The following ARFGEF3 variants were observed in gnomAD, a reference collection of about 807,000 sequenced individuals.
The protein encoded by ARFGEF3 is ARFGEF family member 3.
A neutral mutation model predicts 221.7 loss-of-function variants in ARFGEF3; 96 were observed. That is an observed-to-expected ratio of 0.43 (90% CI 0.37 to 0.51). The LOEUF (loss-of-function observed/expected upper bound fraction) is 0.51. Among genes scored for constraint, ARFGEF3 ranks in the 20% least tolerant of loss-of-function variants. The probability of loss-of-function intolerance (pLI) is 0.00; values close to 1 mark genes in which losing one functional copy is unlikely to be tolerated. For synonymous variants in ARFGEF3, 1,145 were observed against 1,126.8 expected, an observed-to-expected ratio of 1.02 and a Z score of -0.32; for missense variants, 2,410 against 2,789.9, an observed-to-expected ratio of 0.86 and a Z score of 3.07.
chr6:138,323,901 AG>A, intron 30 of ARFGEF3, 121 bp from the exon 31 acceptor site: 1 of 1,542,774 alleles, frequency 6.5e-7, no homozygotes, highest in Non-Finnish European at 8.8e-7. Context: ...TCTTGCAGAG[AG>A]TGAGAAAGAA....
intron 32 of ARFGEF3, among the ~76,000 whole-genome samples, chr6:138,331,576 A>G (rs1485302153): frequency 6.6e-6 from 1 of 152,246 alleles, no homozygotes; most frequent in Non-Finnish European, 1.5e-5. Context: ...GCTTTACTCA[A>G]TCCACATAAT....
At chr6:138,184,234 T>C (rs1230817325) in intron 2 of ARFGEF3, among the ~76,000 whole-genome samples, 1 of 152,114 alleles carries the variant, frequency 6.6e-6, no homozygotes, top group African/African-American at 2.4e-5. Context: ...TAATGAAAAA[T>C]AACTACTTTT....
intron 2 of ARFGEF3, among the ~76,000 whole-genome samples, chr6:138,173,854 A>G (rs914812330): frequency 3.3e-5 from 5 of 152,162 alleles, no homozygotes; most frequent in Non-Finnish European, 7.3e-5. Context: ...GTCTTTACAT[A>G]TTTTCACCAT....
intron 12 of ARFGEF3, 55 bp downstream of exon 12, chr6:138,263,666 C>A: frequency 6.9e-7 from 1 of 1,442,252 alleles, no homozygotes; most frequent in Non-Finnish European, 9.3e-7. Flanking sequence ...AGCAGTTTGC[C>A]TTAATGGGCA....
At chr6:138,321,710 C>G (rs1780030703) in intron 29 of ARFGEF3, among the ~76,000 whole-genome samples, 1 of 152,218 alleles carries the variant, frequency 6.6e-6, no homozygotes. Context: ...ATCATACAAT[C>G]AGCAATCCCA....
intron 4 of ARFGEF3, among the ~76,000 whole-genome samples, chr6:138,222,632 T>A (rs1778001457): frequency 6.6e-6 from 1 of 152,214 alleles, no homozygotes; most frequent in Non-Finnish European, 1.5e-5. Flanking sequence ...CAAAAGGAAT[T>A]ATTTTGTCTA....
At chr6:138,280,775 C>T (rs867384673) in intron 14 of ARFGEF3, among the ~76,000 whole-genome samples, 9 of 152,074 alleles carry the variant, frequency 5.9e-5, no homozygotes, top group Admixed American at 2.0e-4. Flanking sequence ...CATTTGAACC[C>T]GGGAGGCAGA....
At position 138,280,041 on chromosome 6, in the gene ARFGEF3, G is replaced by T; in HGVS notation, c.2338G>T (p.Val780Phe). The T allele has an allele frequency of 1.2e-6, 2 of 1,613,922 alleles. No homozygotes were observed. Among genetic ancestry groups the T allele is most frequent in the Non-Finnish European group, 1.7e-6 (2 of 1,179,844 alleles). ...GGTGCAGACCAGCGGCGTGCTGATG[G>T]TCTTCTCTCAGGCCTGGATTGAGGA... Reference protein sequence around the residue: ...KQVQTSGVLMVFSQAWIEELY... With the variant: ...KQVQTSGVLMFFSQAWIEELY... Residue 780 changes from valine to phenylalanine, a missense_variant, in exon 14 of 34, where the codon GTC (valine) becomes TTC (phenylalanine). Coordinates refer to ENST00000251691, the MANE Select transcript of ARFGEF3 (RefSeq NM_020340.5).
intron 17 of ARFGEF3, among the ~76,000 whole-genome samples, chr6:138,288,785 G>A (rs192358555): frequency 0.029 from 4,351 of 152,286 alleles, 71 homozygotes; most frequent in Non-Finnish European, 0.044. Flanking sequence ...ATTCCTTTGA[G>A]GTTGGCTTGC....
chr6:138,215,830 C>G (rs1487288802), intron 4 of ARFGEF3, among the ~76,000 whole-genome samples: 1 of 134,868 alleles, frequency 7.4e-6, no homozygotes, highest in African/African-American at 2.8e-5. Context: ...ACTAAGTTAG[C>G]TAATCGGTCT....
intron 25 of ARFGEF3, among the ~76,000 whole-genome samples, chr6:138,312,029 G>A (rs574667548): frequency 3.2e-4 from 48 of 152,284 alleles, no homozygotes; most frequent in African/African-American, 9.6e-4. Context: ...GGTGGCATGC[G>A]CCTGTAATCT....
chr6:138,316,066 A>G (rs1779920459), intron 26 of ARFGEF3, among the ~76,000 whole-genome samples: 1 of 152,208 alleles, frequency 6.6e-6, no homozygotes, highest in Admixed American at 6.5e-5. Flanking sequence ...TATCTATAAT[A>G]CATTCTTTTA....
At chr6:138,259,086 C>T (rs958440508) in intron 10 of ARFGEF3, among the ~76,000 whole-genome samples, 3 of 152,184 alleles carry the variant, frequency 2.0e-5, no homozygotes, top group African/African-American at 7.2e-5. Flanking sequence ...CCCCAAGGAG[C>T]TCAGCAGACT....
In ARFGEF3 at chr6:138,286,854, G is replaced by A. The variant is rs1467436633; in HGVS notation, c.2723G>A (p.Arg908Gln). ...EGIKEQNQKE[R>Q]DAICMSLDGL... ...ATCAAAGAGCAGAACCAGAAGGAGC[G>A]GGACGCCATCTGCATGAGCCTCGAC... The change falls in exon 16 of 34, where the codon CGG (arginine) becomes CAG (glutamine). Residue 908 changes from arginine (R) to glutamine (Q), a missense_variant. This residue lies in a region of ARFGEF3 where 594 missense variants were observed against 734.3 expected (regional missense o/e 0.81). Transcript: ENST00000251691. 10 of 1,613,828 alleles carry A rather than the reference G, an allele frequency of 6.2e-6. No individual in the cohort carries two copies. The highest frequency in any genetic ancestry group is 4.5e-5 in the East Asian group (2 of 44,896).
intron 10 of ARFGEF3, among the ~76,000 whole-genome samples, chr6:138,259,603 C>A (rs77931962): frequency 0.014 from 2,090 of 152,222 alleles, 33 homozygotes; most frequent in Middle Eastern, 0.054. Flanking sequence ...CATCCCTTTC[C>A]CTCCAGATTC....
At chr6:138,173,912 C>T (rs1776887413) in intron 2 of ARFGEF3, among the ~76,000 whole-genome samples, 1 of 152,048 alleles carries the variant, frequency 6.6e-6, no homozygotes, top group Admixed American at 6.6e-5. Flanking sequence ...AAAGATTATC[C>T]TAATGTACAA....
intron 8 of ARFGEF3, among the ~76,000 whole-genome samples, chr6:138,250,705 G>A (rs890256198): frequency 2.6e-5 from 4 of 152,246 alleles, no homozygotes; most frequent in Admixed American, 6.5e-5. Flanking sequence ...GCGGGTCCAC[G>A]CCTGAGCGTT....
intron 2 of ARFGEF3, among the ~76,000 whole-genome samples, chr6:138,188,925 C>G (rs1404717329): frequency 1.3e-5 from 2 of 152,164 alleles, no homozygotes; most frequent in Non-Finnish European, 2.9e-5. Flanking sequence ...AGTACAGGAT[C>G]GATGGGGATG....
intron 9 of ARFGEF3, among the ~76,000 whole-genome samples, chr6:138,254,724 A>G (rs1778643430): frequency 6.6e-6 from 1 of 152,268 alleles, no homozygotes; most frequent in Non-Finnish European, 1.5e-5. Context: ...TCAAAAATAT[A>G]TAATAATAAT....
Sources: allele counts gnomAD v4.1 joint callset (sites outside exome capture counted in the v4.1 genomes callset), GRCh38; gene constraint gnomAD v4.1.1; regional missense constraint gnomAD v4.1.1; transcripts MANE v1.5; gene names NCBI Gene and HGNC (gene_info 2026-07-23, HGNC 2026-07-21).